INSR: variants seen among roughly 807,000 people sequenced by gnomAD.
The protein encoded by INSR is insulin receptor.
Under a neutral mutation model 142.6 loss-of-function variants are expected in INSR, and 67 were observed. That is an observed-to-expected ratio of 0.47 (90% CI 0.39 to 0.58). The LOEUF (loss-of-function observed/expected upper bound fraction) is 0.58, where lower values mean the gene tolerates loss of function less well. Among genes scored for constraint, INSR ranks in the 20% least tolerant of loss-of-function variants. The pLI is 0.00. For missense variants in INSR, 1,248 were observed against 1,833.2 expected (o/e 0.68, Z 5.83); for synonymous variants, 756 against 743.1 (o/e 1.02, Z -0.28).
intron 15 of INSR, among the ~76,000 whole-genome samples, chr19:7,127,259 T>C (rs920024749): frequency 6.6e-6 from 1 of 152,178 alleles, no homozygotes; most frequent in African/African-American, 2.4e-5. Context: ...ACTCACCCAG[T>C]ACTGTTCTAG....
intron 2 of INSR, among the ~76,000 whole-genome samples, chr19:7,266,383 C>CT (rs746892721): frequency 0.16 from 19,361 of 123,242 alleles, 1,646 homozygotes; most frequent in Non-Finnish European, 0.19. Flanking sequence ...TAGAAATTAT[C>CT]TTTTTTTTTT....
At chr19:7,118,452 G>A (rs1411260472) in intron 21 of INSR, among the ~76,000 whole-genome samples, 3 of 151,448 alleles carry the variant, frequency 2.0e-5, no homozygotes, top group African/African-American at 7.3e-5. Context: ...TGAGTAGCTG[G>A]GATTACAGGC....
chr19:7,128,065 A>G (rs750997671), intron 15 of INSR, among the ~76,000 whole-genome samples: 5 of 151,904 alleles, frequency 3.3e-5, no homozygotes, highest in Non-Finnish European at 7.4e-5. Context: ...AATCATGTAG[A>G]TTAAACTTAA....
chr19:7,137,960 CTTTTTCTT>C (rs1568438654), intron 13 of INSR, among the ~76,000 whole-genome samples: 1,795 of 146,960 alleles, frequency 0.012, 40 homozygotes, highest in African/African-American at 0.042. Context: ...CTTCTTTTTT[CTTTTTCTT>C]TTTTTTTTTT....
rs1301459154 is a variant in INSR at position 7,293,886 on chromosome 19, G to T, written c.6C>A (p.Ala2=). M[A]TGGRRGAAAA... is the part of the protein sequence containing the mutation. ...CCGCCGCCCCCCGCCGGCCCCCGGT[G>T]GCCATGGCTGCGGGAGCGCGGGGTC... Residue 2 remains alanine, a synonymous_variant, in exon 1 of 22, where the codon GCC becomes GCA. Transcript: ENST00000302850. 8.1e-7 allele frequency: 1 copy of T among 1,231,846 alleles called. No homozygotes were observed. Among genetic ancestry groups the T allele is most frequent in the Non-Finnish European group, 1.0e-6 (1 of 992,896 alleles). The allele number at this position is 1,231,846 out of a possible 1,614,324, so 76.3% of individuals were successfully genotyped here. A position where few individuals can be genotyped will look rare whatever the true frequency, so the allele number is the denominator to read the frequency against.
In INSR at chr19:7,166,167, C is replaced by T. The variant is rs1464613358; in HGVS notation, c.1848G>A (p.Gln616=). 6.2e-7 allele frequency: 1 copy of T among 1,613,996 alleles called. No individual in the cohort carries two copies. The highest frequency in any genetic ancestry group is 8.5e-7 in the Non-Finnish European group (1 of 1,180,034). The part of the protein sequence containing the change: ...YGAKSDIIYV[Q]TDATNPSVPL... ...AGACACACTCACTGGTGGCATCTGT[C>T]TGGACATAAATGATGTCACTCTTGG... Residue 616 remains glutamine, a synonymous_variant, in exon 8 of 22, where the codon CAG becomes CAA. Coordinates refer to ENST00000302850, the MANE Select transcript of INSR (RefSeq NM_000208.4). The surrounding 1 kb of genome is among the most constrained non-coding windows in gnomAD (Gnocchi z 4.1).
intron 2 of INSR, among the ~76,000 whole-genome samples, chr19:7,265,630 G>A (rs1324010701): frequency 1.8e-4 from 28 of 151,832 alleles, no homozygotes; most frequent in Non-Finnish European, 1.5e-5. Flanking sequence ...AGCTACTTGG[G>A]AGGCTGGGGC....
intron 2 of INSR, among the ~76,000 whole-genome samples, chr19:7,234,616 C>T (rs1976099408): frequency 6.6e-6 from 1 of 152,034 alleles, no homozygotes; most frequent in South Asian, 2.1e-4. Context: ...ATTGAAGATA[C>T]CAAGGCACAA....
chr19:7,241,173 TTTTG>T (rs1420674128), intron 2 of INSR, among the ~76,000 whole-genome samples: 5 of 98,092 alleles, frequency 5.1e-5, no homozygotes, highest in African/African-American at 1.1e-4. Flanking sequence ...TTTTATTTTA[TTTTG>T]TTTTTTTTTT....
In INSR at chr19:7,293,997, T is replaced by C. The variant is rs1480592605; in HGVS notation, c.-106A>G. 3 of 1,084,726 alleles carry C rather than the reference T, an allele frequency of 2.8e-6. No individual in the cohort carries two copies. The highest frequency in any genetic ancestry group is 3.4e-6 in the Non-Finnish European group (3 of 888,198). The allele number at this position is 1,084,726 out of a possible 1,614,324, so 67.2% of individuals were successfully genotyped here. On this transcript the variant is annotated 5_prime_UTR_variant, in exon 1 of 22. Transcript: ENST00000302850. ...AGAGGCGCTGGGGGCCGCGCGTCCT[T>C]CTCTTCCACGCCCGCGACCCGCGGG...
chr19:7,151,628 C>G (rs1290911372), intron 10 of INSR, among the ~76,000 whole-genome samples: 1 of 151,548 alleles, frequency 6.6e-6, no homozygotes, highest in Non-Finnish European at 1.5e-5. Context: ...CACTTTGAAG[C>G]CTTGGCTGTC....
At chr19:7,188,008 C>T (rs1287916104) in intron 2 of INSR, among the ~76,000 whole-genome samples, 1 of 152,086 alleles carries the variant, frequency 6.6e-6, no homozygotes, top group Non-Finnish European at 1.5e-5. Context: ...TTCTCCCAGG[C>T]TGGCCTCCTT....
At chr19:7,126,540 ATGAGTAGGGTTC>A in intron 16 of INSR, 32 bp downstream of exon 16, 1 of 1,494,774 alleles carries the variant, frequency 6.7e-7, no homozygotes, top group South Asian at 1.2e-5. Flanking sequence ...AAGGAAGCTG[ATGAGTAGGGTTC>A]TGGCCACCCA....
intron 1 of INSR, among the ~76,000 whole-genome samples, chr19:7,287,815 C>T (rs760517963): frequency 3.9e-5 from 6 of 152,160 alleles, no homozygotes; most frequent in Admixed American, 1.3e-4. Flanking sequence ...AACCTCAAGG[C>T]GTCTGTTCCA....
At chr19:7,135,481 C>A (rs1291871612) in intron 13 of INSR, among the ~76,000 whole-genome samples, 4 of 148,488 alleles carry the variant, frequency 2.7e-5, no homozygotes, top group Non-Finnish European at 4.5e-5. Flanking sequence ...AAGCGAGACT[C>A]CAGCCTGGGC....
Position 7,170,768 on chromosome 19 carries a change from C to G in INSR, c.1269-17G>C. The stretch of plus-strand genomic sequence containing the variant: ...GAGTAGTTCCTATGGAAAAAACACA[C>G]ACATCTAGTCATTCAACGGCTGGTC... On this transcript the variant is annotated splice_polypyrimidine_tract_variant and intron_variant, in intron 5 of 21. Transcript: ENST00000302850. 1 of 1,580,794 alleles carries G rather than the reference C, an allele frequency of 6.3e-7. No individual in the cohort carries two copies. The highest frequency in any genetic ancestry group is 1.1e-5 in the South Asian group (1 of 90,450).
intron 2 of INSR, among the ~76,000 whole-genome samples, chr19:7,241,464 A>T (rs952390488): frequency 6.6e-6 from 1 of 151,982 alleles, no homozygotes; most frequent in South Asian, 2.1e-4. Flanking sequence ...CTCTACAAAA[A>T]TACAAAACTT....
chr19:7,279,428 C>T (rs1276789432), intron 1 of INSR, among the ~76,000 whole-genome samples: 1 of 151,064 alleles, frequency 6.6e-6, no homozygotes, highest in Non-Finnish European at 1.5e-5. Context: ...ACTTCATACC[C>T]AGGAGAAATG....
In INSR at chr19:7,134,565, G is replaced by A. The variant is rs960712380; in HGVS notation, c.2683-2248C>T. Among the ~76,000 whole-genome samples, 29 of 152,064 alleles carry A rather than the reference G, an allele frequency of 1.9e-4. No homozygotes were observed. In the East Asian group the frequency reaches 4.8e-3, roughly 25 times the overall value. Reference sequence around the variant, plus strand: ...GCAGATCACGAGGTCAAGAGATTGAGACCATCCTTGCCAACATGGTGAAAC... The same window carrying A: ...GCAGATCACGAGGTCAAGAGATTGAAACCATCCTTGCCAACATGGTGAAAC... On this transcript the variant is annotated intron_variant, in intron 13 of 21. Coordinates refer to ENST00000302850, the MANE Select transcript of INSR (RefSeq NM_000208.4).
Sources: allele counts gnomAD v4.1 joint callset (sites outside exome capture counted in the v4.1 genomes callset), GRCh38; gene constraint gnomAD v4.1.1; non-coding constraint Gnocchi (gnomAD v3.1); transcripts MANE v1.5; gene names NCBI Gene and HGNC (gene_info 2026-07-23, HGNC 2026-07-21).